The following SLC35D4 variants were observed in gnomAD, a reference collection of about 807,000 sequenced individuals.
SLC35D4 encodes the protein solute carrier family 35 member D4.
the SLC35D4 span, among the ~76,000 whole-genome samples, chr18:23,311,372 C>T: frequency 1.3e-5 from 2 of 150,572 alleles, no homozygotes; most frequent in African/African-American, 4.9e-5. Context: ...GAATTATAGG[C>T]GTGAGCCACC....
the SLC35D4 span, among the ~76,000 whole-genome samples, chr18:23,242,508 A>G: frequency 6.6e-6 from 1 of 152,198 alleles, no homozygotes; most frequent in Non-Finnish European, 1.5e-5. Flanking sequence ...GTATCATTAG[A>G]ACGTGGCAGC....
At chr18:23,299,420 C>A in the SLC35D4 span, among the ~76,000 whole-genome samples, 1 of 152,216 alleles carries the variant, frequency 6.6e-6, no homozygotes, top group Non-Finnish European at 1.5e-5. Context: ...AGGGGCACGT[C>A]CTGTTGAGCA....
chr18:23,317,763 C>T, the SLC35D4 span, among the ~76,000 whole-genome samples: 6 of 150,564 alleles, frequency 4.0e-5, no homozygotes, highest in African/African-American at 9.8e-5. Context: ...TTTTTTCAGA[C>T]GGAGTCTCGC....
chr18:23,282,931 A>G, the SLC35D4 span, among the ~76,000 whole-genome samples: 3 of 151,788 alleles, frequency 2.0e-5, no homozygotes, highest in Non-Finnish European at 2.9e-5. Flanking sequence ...CAAAAATAAC[A>G]TCCTAAGCCC....
chr18:23,297,878 TG>T, the SLC35D4 span: 1 of 1,086,700 alleles, frequency 9.2e-7, no homozygotes, highest in Non-Finnish European at 1.3e-6. Context: ...ACTGCCCACC[TG>T]GCCTCACTGT....
chr18:23,304,352 C>G, the SLC35D4 span, among the ~76,000 whole-genome samples: 1 of 143,446 alleles, frequency 7.0e-6, no homozygotes, highest in Non-Finnish European at 1.5e-5. Context: ...GGGGAAAAGT[C>G]TCAAGAATTT....
the SLC35D4 span, among the ~76,000 whole-genome samples, chr18:23,305,637 C>G: frequency 6.6e-6 from 1 of 152,172 alleles, no homozygotes; most frequent in East Asian, 1.9e-4. Context: ...GAAGACATAG[C>G]AGGAGGAGGA....
the SLC35D4 span, among the ~76,000 whole-genome samples, chr18:23,393,664 C>A: frequency 6.6e-6 from 1 of 152,170 alleles, no homozygotes; most frequent in African/African-American, 2.4e-5. Context: ...GTTGCCCAGG[C>A]TGGAGTGCAA....
At chr18:23,288,218 C>T in the SLC35D4 span, among the ~76,000 whole-genome samples, 11 of 152,312 alleles carry the variant, frequency 7.2e-5, no homozygotes, top group East Asian at 2.1e-3. Flanking sequence ...CTTTCCTGTT[C>T]CTCACCCTGA....
the SLC35D4 span, among the ~76,000 whole-genome samples, chr18:23,263,968 A>G: frequency 6.6e-6 from 1 of 152,240 alleles, no homozygotes; most frequent in African/African-American, 2.4e-5. Flanking sequence ...TCAGCAGAGC[A>G]GGACTGGATT....
At chr18:23,421,558 A>G in the SLC35D4 span, 1 of 834,134 alleles carries the variant, frequency 1.2e-6, no homozygotes, top group East Asian at 2.7e-5. Flanking sequence ...TCTATTTACT[A>G]CTCTTTTCTC....
chr18:23,436,507 T>C, the SLC35D4 span, among the ~76,000 whole-genome samples: 1 of 152,070 alleles, frequency 6.6e-6, no homozygotes, highest in East Asian at 1.9e-4. Flanking sequence ...AAAAATCAAC[T>C]GGAGGCCAGG....
the SLC35D4 span, among the ~76,000 whole-genome samples, chr18:23,293,911 C>T: frequency 6.6e-6 from 1 of 152,178 alleles, no homozygotes. Flanking sequence ...TCTGCCTCAG[C>T]CTCCTGAGTA....
chr18:23,404,992 CAAAAAAAAAAAAAA>C, the SLC35D4 span, among the ~76,000 whole-genome samples: 2 of 44,480 alleles, frequency 4.5e-5, no homozygotes, highest in African/African-American at 7.1e-5. Flanking sequence ...GACTCCGTCT[CAAAAAAAAAAAAAA>C]AAAAAAAAAA....
chr18:23,313,403 A>G, the SLC35D4 span, among the ~76,000 whole-genome samples: 1 of 152,042 alleles, frequency 6.6e-6, no homozygotes. Flanking sequence ...GAAAAAAAAA[A>G]AGGAGCCCCC....
At chr18:23,239,203 G>T in the SLC35D4 span, among the ~76,000 whole-genome samples, 2 of 152,210 alleles carry the variant, frequency 1.3e-5, no homozygotes, top group Non-Finnish European at 2.9e-5. Context: ...TAGAAGACTT[G>T]CCAAGTCAGC....
the SLC35D4 span, chr18:23,352,143 C>A: frequency 1.3e-6 from 2 of 1,515,440 alleles, no homozygotes; most frequent in Non-Finnish European, 1.8e-6. Flanking sequence ...GTTCTGAGAT[C>A]TTTGGATACA....
At chr18:23,429,368 T>A in the SLC35D4 span, among the ~76,000 whole-genome samples, 3 of 152,020 alleles carry the variant, frequency 2.0e-5, no homozygotes, top group Admixed American at 6.6e-5. Flanking sequence ...TTTTTTGCCT[T>A]TTTTTTAGAC....
the SLC35D4 span, among the ~76,000 whole-genome samples, chr18:23,350,422 C>T: frequency 6.6e-6 from 1 of 152,312 alleles, no homozygotes; most frequent in South Asian, 2.1e-4. Context: ...AAACCCCAGG[C>T]TGTTTTCACA....
Sources: allele counts gnomAD v4.1 joint callset (sites outside exome capture counted in the v4.1 genomes callset), GRCh38; gene constraint gnomAD v4.1.1; transcripts MANE v1.5; gene names NCBI Gene and HGNC (gene_info 2026-07-23, HGNC 2026-07-21).